The following PRKN variants were observed in gnomAD, a reference collection of about 807,000 sequenced individuals.
The protein encoded by PRKN is E3 ubiquitin-protein ligase parkin.
In PRKN, 56 loss-of-function variants were observed where a neutral mutation model predicts 59.5. The ratio of observed to expected loss-of-function variants is 0.94; its 90% CI spans 0.76 to 1.18. The LOEUF (loss-of-function observed/expected upper bound fraction) is 1.18, where lower values mean the gene tolerates loss of function less well. Among genes scored for constraint, PRKN ranks in the 50% most tolerant of loss-of-function variants. The pLI, the probability that PRKN is intolerant of heterozygous loss-of-function variation, is 0.00. For missense variants in PRKN, 657 were observed against 596.4 expected, an observed-to-expected ratio of 1.10 and a Z score of -1.06; for synonymous variants, 250 against 222.1, an observed-to-expected ratio of 1.13 and a Z score of -1.12.
At chr6:162,146,162 CT>C (rs1782015941) in intron 4 of PRKN, among the ~76,000 whole-genome samples, 1 of 152,136 alleles carries the variant, frequency 6.6e-6, no homozygotes, top group Admixed American at 6.5e-5. Flanking sequence ...CTGATTATCT[CT>C]TTTTCTATAT....
chr6:162,378,995 T>G (rs545205548), intron 2 of PRKN, among the ~76,000 whole-genome samples: 3 of 152,294 alleles, frequency 2.0e-5, no homozygotes, highest in Admixed American at 2.0e-4. Flanking sequence ...GAAGCCACAT[T>G]TCAAGTATCT....
At chr6:162,473,413 A>G (rs1791854492) in intron 1 of PRKN, among the ~76,000 whole-genome samples, 1 of 152,164 alleles carries the variant, frequency 6.6e-6, no homozygotes, top group African/African-American at 2.4e-5. Context: ...TTTTGTCCAA[A>G]TGCATTTCCC....
chr6:161,833,230 G>A lies in PRKN; in HGVS notation c.735-47322C>T, dbSNP rs536033949. ...TAAAGCCAGGGCAGCCTAAGAAGCC[G>A]TGATCCCTGGAATGGGGCACCGCCA... is the stretch of plus-strand genomic sequence containing the variant. On this transcript the variant is annotated intron_variant, in intron 6 of 11. Coordinates refer to ENST00000366898, the MANE Select transcript of PRKN (RefSeq NM_004562.3). Among the ~76,000 whole-genome samples, 150 of 151,420 alleles carry A rather than the reference G, an allele frequency of 9.9e-4. 1 individual carries two copies. Among genetic ancestry groups the A allele is most frequent in the African/African-American group, 3.5e-3 (142 of 40,732 alleles).
intron 3 of PRKN, among the ~76,000 whole-genome samples, chr6:162,251,500 C>T (rs191213613): frequency 6.2e-4 from 95 of 152,226 alleles, no homozygotes; most frequent in African/African-American, 2.1e-3. Flanking sequence ...CATTTCCAGA[C>T]CTTGGGATCC....
intron 7 of PRKN, among the ~76,000 whole-genome samples, chr6:161,666,092 T>C (rs1239599942): frequency 6.6e-6 from 1 of 152,206 alleles, no homozygotes; most frequent in Non-Finnish European, 1.5e-5. Flanking sequence ...TCTTCTATCC[T>C]GTTTCTTCAT....
intron 2 of PRKN, among the ~76,000 whole-genome samples, chr6:162,379,255 G>T (rs1786295257): frequency 1.3e-5 from 2 of 152,002 alleles, no homozygotes; most frequent in African/African-American, 4.8e-5. Flanking sequence ...CATTTACAAA[G>T]GTCTCATCAC....
chr6:161,555,865 TA>T (rs1780219135), intron 8 of PRKN, among the ~76,000 whole-genome samples: 1 of 152,242 alleles, frequency 6.6e-6, no homozygotes, highest in Admixed American at 6.5e-5. Flanking sequence ...TAAATAATTC[TA>T]ATAAGATAAT....
chr6:161,678,017 G>A (rs1562601234), intron 7 of PRKN, among the ~76,000 whole-genome samples: 1 of 152,084 alleles, frequency 6.6e-6, no homozygotes, highest in Non-Finnish European at 1.5e-5. Context: ...TTTTCAGACT[G>A]TCTAGATAAC....
At chr6:161,375,593 G>T (rs1785662062) in intron 10 of PRKN, among the ~76,000 whole-genome samples, 1 of 152,182 alleles carries the variant, frequency 6.6e-6, no homozygotes, top group Non-Finnish European at 1.5e-5. Flanking sequence ...TAGCTTGGTA[G>T]ATCTTACTGG....
At chr6:162,192,663 T>C (rs965861066) in intron 4 of PRKN, among the ~76,000 whole-genome samples, 1 of 151,898 alleles carries the variant, frequency 6.6e-6, no homozygotes, top group Non-Finnish European at 1.5e-5. Flanking sequence ...CTCACTATAA[T>C]AGTAGTCACT....
At chr6:162,337,381 A>G (rs116394915) in intron 2 of PRKN, among the ~76,000 whole-genome samples, 119 of 152,336 alleles carry the variant, frequency 7.8e-4, no homozygotes, top group African/African-American at 2.8e-3. Flanking sequence ...CAGAATAGGT[A>G]ACTAGACGAT....
At chr6:162,157,443 T>C (rs1376910752) in intron 4 of PRKN, among the ~76,000 whole-genome samples, 1 of 151,674 alleles carries the variant, frequency 6.6e-6, no homozygotes, top group East Asian at 1.9e-4. Flanking sequence ...GCAAGCACAA[T>C]TTACATTTTC....
chr6:162,608,660 T>C (rs998516804), intron 1 of PRKN, among the ~76,000 whole-genome samples: 7 of 152,146 alleles, frequency 4.6e-5, no homozygotes, highest in African/African-American at 1.4e-4. Context: ...GTTAGTTGGA[T>C]GAGAATGTAA....
At chr6:161,779,587 G>A (rs994226120) in intron 7 of PRKN, among the ~76,000 whole-genome samples, 1 of 150,994 alleles carries the variant, frequency 6.6e-6, no homozygotes, top group South Asian at 2.1e-4. Flanking sequence ...TGGGATTATA[G>A]GCATGTGCCA....
At chr6:161,773,840 A>G (rs372442571) in intron 7 of PRKN, among the ~76,000 whole-genome samples, 60 of 152,314 alleles carry the variant, frequency 3.9e-4, no homozygotes, top group African/African-American at 1.3e-3. Context: ...AAGAAGAAGA[A>G]GGGGAAAGAA....
intron 7 of PRKN, among the ~76,000 whole-genome samples, chr6:161,603,199 G>C (rs1282462623): frequency 6.6e-6 from 1 of 152,014 alleles, no homozygotes; most frequent in East Asian, 1.9e-4. Flanking sequence ...TTAAATGGGA[G>C]GCCATCAGAC....
Position 162,188,374 on chromosome 6 carries a change from G to A in PRKN, c.534+12757C>T, listed in dbSNP as rs374995433. 1.4e-3 allele frequency among the ~76,000 whole-genome samples: 213 copies of A among 152,148 alleles called. 1 individual carries two copies. Among genetic ancestry groups the A allele is most frequent in the African/African-American group, 5.0e-3 (207 of 41,510 alleles). On this transcript the variant is annotated intron_variant, in intron 4 of 11. Coordinates refer to ENST00000366898, the MANE Select transcript of PRKN (RefSeq NM_004562.3). Reference sequence around the variant, plus strand: ...GACACAGTGGCTGCCACACCTGCTCGCTCTGAATTGTCATTTCCAACCCTG... The same window carrying A: ...GACACAGTGGCTGCCACACCTGCTCACTCTGAATTGTCATTTCCAACCCTG...
At chr6:161,823,771 G>A (rs779571514) in intron 6 of PRKN, among the ~76,000 whole-genome samples, 6 of 152,264 alleles carry the variant, frequency 3.9e-5, no homozygotes, top group Admixed American at 2.0e-4. Context: ...GTTTTTCTGC[G>A]AACTGCTGAA....
At chr6:162,342,701 A>T (rs1303060761) in intron 2 of PRKN, among the ~76,000 whole-genome samples, 1 of 152,144 alleles carries the variant, frequency 6.6e-6, no homozygotes, top group Non-Finnish European at 1.5e-5. Flanking sequence ...GGCTTCTCTA[A>T]GCTCTTGTGT....
Sources: gnomAD v4.1 joint callset for allele counts (sites outside exome capture counted in the v4.1 genomes callset) on GRCh38, gnomAD v4.1.1 for gene constraint, MANE v1.5 for transcripts, NCBI Gene and HGNC (gene_info 2026-07-23, HGNC 2026-07-21) for gene names.